TTC28: variants seen among roughly 807,000 people sequenced by gnomAD.
The protein encoded by TTC28 is tetratricopeptide repeat domain 28.
A neutral mutation model predicts 198.0 loss-of-function variants in TTC28; 61 were observed. The observed-to-expected ratio is 0.31, with a 90% CI of 0.25 to 0.38. TTC28 has a LOEUF of 0.38. TTC28 is among the 10% of genes least tolerant of loss of function. The pLI is 1.00. For synonymous variants in TTC28, 1,171 were observed against 1,297.8 expected (o/e 0.90, Z 2.10); for missense variants, 2,678 against 3,164.0 (o/e 0.85, Z 3.69).
At chr22:28,198,221 C>G (rs1310525336) in intron 5 of TTC28, among the ~76,000 whole-genome samples, 1 of 152,074 alleles carries the variant, frequency 6.6e-6, no homozygotes, top group Non-Finnish European at 1.5e-5. Context: ...TCTGCGCCTT[C>G]TACGTTGTTT....
intron 5 of TTC28, among the ~76,000 whole-genome samples, chr22:28,167,262 C>T (rs957056294): frequency 2.0e-5 from 3 of 152,192 alleles, no homozygotes; most frequent in African/African-American, 7.2e-5. Context: ...GAGCTGGTAC[C>T]ATTCCTTCTG....
intron 6 of TTC28, among the ~76,000 whole-genome samples, chr22:28,109,801 T>C (rs1039430078): frequency 3.3e-5 from 5 of 152,166 alleles, no homozygotes; most frequent in African/African-American, 1.2e-4. Context: ...GAACATGCTT[T>C]TCCATGCATC....
intron 5 of TTC28, among the ~76,000 whole-genome samples, chr22:28,210,875 G>A (rs565775808): frequency 2.0e-5 from 3 of 152,198 alleles, no homozygotes. Flanking sequence ...AAATGCTAAG[G>A]GCAGCCAGAG....
chr22:28,577,678 T>C (rs1484280298), intron 2 of TTC28, among the ~76,000 whole-genome samples: 5 of 152,196 alleles, frequency 3.3e-5, no homozygotes, highest in South Asian at 2.1e-4. Context: ...ACAACTGCTA[T>C]ATCCTCTTGC....
In TTC28 at chr22:28,388,483, A is replaced by G. The variant is rs538138339; in HGVS notation, c.382-81840T>C. Among the ~76,000 whole-genome samples the G allele has an allele frequency of 4.6e-5, 7 of 152,288 alleles. No individual in the cohort carries two copies. The East Asian group carries it at 1.3e-3, about 29-fold the overall frequency. On this transcript the variant is annotated intron_variant, in intron 2 of 22. Transcript: ENST00000397906. ...TGATTCTTCCTACCCATGAGCATAG[A>G]ACGTTCTTCCATTTGTTTGTATCCT...
chr22:28,204,770 T>A (rs1233917641), intron 5 of TTC28, among the ~76,000 whole-genome samples: 1 of 152,142 alleles, frequency 6.6e-6, no homozygotes, highest in Admixed American at 6.6e-5. Context: ...ATATTAATTA[T>A]GATAAAAATG....
rs538192703 is a variant in TTC28 at position 28,487,699 on chromosome 22, A to G, written c.381+141853T>C. 9.8e-5 allele frequency among the ~76,000 whole-genome samples: 15 copies of G among 152,286 alleles called. No homozygotes were observed. The South Asian group carries it at 2.9e-3, about 29-fold the overall frequency. On this transcript the variant is annotated intron_variant, in intron 2 of 22. Coordinates refer to ENST00000397906, the MANE Select transcript of TTC28 (RefSeq NM_001145418.2). Reference sequence around the variant, plus strand: ...TTTTCATCCATTGTAAGCATATTCTATGTTGCTGCATGAAAATATTTAAGT... The same window carrying G: ...TTTTCATCCATTGTAAGCATATTCTGTGTTGCTGCATGAAAATATTTAAGT...
At chr22:28,045,754 A>G (rs949978889) in intron 12 of TTC28, among the ~76,000 whole-genome samples, 2 of 152,244 alleles carry the variant, frequency 1.3e-5, no homozygotes, top group African/African-American at 4.8e-5. Flanking sequence ...ACTTGAGGTC[A>G]GGAGTTCAAG....
chr22:28,428,354 T>C (rs545593506), intron 2 of TTC28, among the ~76,000 whole-genome samples: 2 of 152,314 alleles, frequency 1.3e-5, no homozygotes, highest in South Asian at 2.1e-4. Flanking sequence ...GTCTGTACTA[T>C]GAAAATACAA....
chr22:28,268,971 C>A (rs545364777), intron 5 of TTC28, among the ~76,000 whole-genome samples: 2 of 152,094 alleles, frequency 1.3e-5, no homozygotes, highest in African/African-American at 2.4e-5. Context: ...AAAGAAAGTA[C>A]GCTATATCTT....
chr22:28,423,512 C>A (rs563287248), intron 2 of TTC28, among the ~76,000 whole-genome samples: 2 of 152,138 alleles, frequency 1.3e-5, no homozygotes, highest in Non-Finnish European at 2.9e-5. Flanking sequence ...TTAAGTAATC[C>A]GTTTCAGCCC....
chr22:27,990,083 C>T, intron 20 of TTC28, 76 bp from the exon 21 acceptor site: 1 of 1,492,074 alleles, frequency 6.7e-7, no homozygotes, highest in Non-Finnish European at 9.0e-7. Flanking sequence ...ACCCATTATT[C>T]TTATGTCACC....
chr22:28,167,312 A>T (rs1922109477), intron 5 of TTC28, among the ~76,000 whole-genome samples: 1 of 152,252 alleles, frequency 6.6e-6, no homozygotes, highest in African/African-American at 2.4e-5. Context: ...AATCCTCCCT[A>T]ACTCATCTTA....
chr22:28,300,000 G>C (rs1256110085), intron 3 of TTC28, among the ~76,000 whole-genome samples: 5 of 152,162 alleles, frequency 3.3e-5, no homozygotes, highest in Non-Finnish European at 7.4e-5. Flanking sequence ...GCCTGGTGAA[G>C]GCAGCATAAC....
chr22:28,354,005 T>C (rs539997422), intron 2 of TTC28, among the ~76,000 whole-genome samples: 2 of 152,292 alleles, frequency 1.3e-5, no homozygotes, highest in East Asian at 1.9e-4. Context: ...CCCATTAGGA[T>C]GGCTATTATT....
chr22:28,140,377 T>C (rs897363581), intron 6 of TTC28, among the ~76,000 whole-genome samples: 1 of 152,152 alleles, frequency 6.6e-6, no homozygotes, highest in Non-Finnish European at 1.5e-5. Flanking sequence ...AAGGTCCCAG[T>C]GGACTTTTTC....
intron 2 of TTC28, among the ~76,000 whole-genome samples, chr22:28,396,920 C>T (rs2046827433): frequency 6.6e-6 from 1 of 152,280 alleles, no homozygotes; most frequent in Admixed American, 6.5e-5. Context: ...TGCTCCCCAT[C>T]CAAAACTACC....
At chr22:28,293,701 T>TA (rs1286893590) in intron 5 of TTC28, among the ~76,000 whole-genome samples, 2 of 151,956 alleles carry the variant, frequency 1.3e-5, no homozygotes, top group Non-Finnish European at 2.9e-5. Flanking sequence ...AATTTATGAA[T>TA]AAAAAAACTA....
intron 2 of TTC28, among the ~76,000 whole-genome samples, chr22:28,465,450 C>G (rs534969981): frequency 6.6e-6 from 1 of 152,038 alleles, no homozygotes; most frequent in South Asian, 2.1e-4. Context: ...AAGGTGAAAC[C>G]CCGTTTCTAC....
Sources: allele counts gnomAD v4.1 joint callset (sites outside exome capture counted in the v4.1 genomes callset), GRCh38; gene constraint gnomAD v4.1.1; transcripts MANE v1.5; gene names NCBI Gene and HGNC (gene_info 2026-07-23, HGNC 2026-07-21).